Variants in DOCK9 observed in about 807,000 individuals in gnomAD.
DOCK9 encodes dedicator of cytokinesis protein 9.
DOCK9 carries 89 observed loss-of-function variants against 263.3 expected under a neutral mutation model. The ratio of observed to expected loss-of-function variants is 0.34; its 90% CI spans 0.28 to 0.40. The LOEUF is 0.40. Among genes scored for constraint, DOCK9 ranks in the 10% least tolerant of loss-of-function variants. DOCK9 has a pLI of 1.00. For synonymous variants in DOCK9, 976 were observed against 973.1 expected (o/e 1.00, Z -0.06); for missense variants, 2,140 against 2,603.4 (o/e 0.82, Z 3.87).
intron 27 of DOCK9, 75 bp downstream of exon 27, chr13:98,879,823 G>C (rs1427745407): frequency 7.1e-6 from 9 of 1,267,900 alleles, no homozygotes; most frequent in African/African-American, 1.5e-5. Flanking sequence ...AAAGCATGAA[G>C]AAACGTTCAC....
chr13:98,924,259 C>T (rs916769436), intron 4 of DOCK9, among the ~76,000 whole-genome samples: 1 of 152,112 alleles, frequency 6.6e-6, no homozygotes, highest in African/African-American at 2.4e-5. Flanking sequence ...AAGAGGCAAT[C>T]GGGGAATTGG....
At chr13:99,036,477 C>G (rs1887894028) in intron 1 of DOCK9, among the ~76,000 whole-genome samples, 1 of 152,178 alleles carries the variant, frequency 6.6e-6, no homozygotes, top group Non-Finnish European at 1.5e-5. Context: ...TGATCTCGAA[C>G]TTCTGGCCTC....
chr13:99,049,604 A>G (rs1046031280), intron 1 of DOCK9, among the ~76,000 whole-genome samples: 1 of 152,088 alleles, frequency 6.6e-6, no homozygotes. Flanking sequence ...TGCAGCCTCA[A>G]CCTCTAGGCT....
At chr13:99,015,432 C>T in intron 1 of DOCK9, 1 of 1,565,780 alleles carries the variant, frequency 6.4e-7, no homozygotes, top group Non-Finnish European at 8.6e-7. Flanking sequence ...GTTAATTAAG[C>T]AAGATAGCAT....
rs537381586 is a variant in DOCK9 at position 99,041,816 on chromosome 13, C to A, written c.129+44407G>T. Among the ~76,000 whole-genome samples the A allele has an allele frequency of 3.7e-4, 56 of 152,342 alleles. No homozygotes were observed. The South Asian group carries it at 5.0e-3, about 14-fold the overall frequency. On this transcript the variant is annotated intron_variant, in intron 1 of 32. Transcript: ENST00000427887. ...ATAAGAGACAGAAGCGGAGAAGACA[C>A]AGACGCAGAGAAGGCCACGTGAAGA...
chr13:98,950,457 A>G, intron 2 of DOCK9: 1 of 595,602 alleles, frequency 1.7e-6, no homozygotes, highest in Non-Finnish European at 2.9e-6. Context: ...TCTTTCTAGT[A>G]TCTAATATTT....
chr13:98,811,479 G>A (rs1392652741), intron 45 of DOCK9, among the ~76,000 whole-genome samples: 6 of 151,146 alleles, frequency 4.0e-5, no homozygotes, highest in South Asian at 2.1e-4. Flanking sequence ...GTCTTGCTCT[G>A]TTGCCTAGGC....
rs372140628 is a variant in DOCK9, at chr13:98,957,313, A to G, written c.127-1762T>C. On this transcript the variant is annotated intron_variant, in intron 1 of 52. Coordinates refer to ENST00000682017, the MANE Select transcript of DOCK9 (RefSeq NM_001366683.2). ...CTGAGATTCTGGAGTTGCCTGAAGT[A>G]GCAGTCAACTTGCTTTGCCTATTGC... Among the ~76,000 whole-genome samples the G allele has an allele frequency of 1.6e-3, 239 of 152,374 alleles. 8 individuals carry two copies. The South Asian group carries it at 0.047, about 30-fold the overall frequency.
intron 41 of DOCK9, among the ~76,000 whole-genome samples, 177 bp downstream of exon 41, chr13:98,831,171 A>G (rs557619061): frequency 2.0e-5 from 3 of 152,368 alleles, no homozygotes; most frequent in Admixed American, 6.5e-5. Flanking sequence ...TCTCAGGCCC[A>G]TATCTTATAG....
intron 1 of DOCK9, among the ~76,000 whole-genome samples, chr13:99,082,359 A>G (rs1422921153): frequency 6.6e-6 from 1 of 151,918 alleles, no homozygotes; most frequent in Admixed American, 6.6e-5. Context: ...CTCTACTAAA[A>G]ATACAAAAAA....
At chr13:99,060,738 T>C (rs927403291) in intron 1 of DOCK9, among the ~76,000 whole-genome samples, 8 of 152,172 alleles carry the variant, frequency 5.3e-5, no homozygotes, top group African/African-American at 1.9e-4. Context: ...ATCTGCAGTA[T>C]CCTGTCTAGG....
chr13:99,038,064 G>A (rs1370370565), intron 1 of DOCK9, among the ~76,000 whole-genome samples: 1 of 151,984 alleles, frequency 6.6e-6, no homozygotes, highest in Non-Finnish European at 1.5e-5. Context: ...ATCAAATTGT[G>A]TATTTTAAAT....
rs2089367210 is a variant in DOCK9, at chr13:98,796,142, C to G, written c.6156+973G>C. The G allele has an allele frequency of 2.2e-6, 3 of 1,337,310 alleles. No individual in the cohort carries two copies. The African/African-American group carries it at 4.4e-5, about 19-fold the overall frequency. The allele number at this position is 1,337,310 out of a possible 1,614,324, so 82.8% of individuals were successfully genotyped here. ...GCCAATGTCTGTAGTTGCTCAAACT[C>G]AAAAAAGTAATAGCTTTTTCTAAGT... On this transcript the variant is annotated intron_variant, in intron 52 of 52. Coordinates refer to ENST00000682017, the MANE Select transcript of DOCK9 (RefSeq NM_001366683.2).
In DOCK9 at chr13:98,863,035, G is replaced by T; in HGVS notation, c.3563C>A (p.Pro1188His). ...RINVRDVSPF[P>H]VNAGMTVKDE... ...CTTACGTACCATGCCCGCGTTCACA[G>T]GGAAGGGTGACACATCCCTCACATT... is the stretch of plus-strand genomic sequence containing the variant. Residue 1188 changes from proline (P) to histidine (H), a missense_variant, in exon 32 of 53, where the codon CCT becomes CAT. By Grantham distance (77) the Pro-to-His change is moderately conservative. Coordinates refer to ENST00000682017, the MANE Select transcript of DOCK9 (RefSeq NM_001366683.2). 6.2e-7 allele frequency: 1 copy of T among 1,608,932 alleles called. No homozygotes were observed. The highest frequency in any genetic ancestry group is 8.5e-7 in the Non-Finnish European group (1 of 1,177,778).
rs1334709670 is a variant in DOCK9 at position 98,883,900 on chromosome 13, C to T, written c.2383-1G>A. On this transcript the variant is annotated splice_acceptor_variant, in intron 21 of 52. Transcript: ENST00000682017. LOFTEE classifies it high-confidence loss of function. ...CCCATTTAATTTCCGGACCATAATG[C>T]TAAAAAAAATATGGAAGAAACAATA... The T allele has an allele frequency of 1.2e-6, 2 of 1,601,352 alleles. No homozygotes were observed. Among genetic ancestry groups the T allele is most frequent in the Non-Finnish European group, 1.7e-6 (2 of 1,174,454 alleles).
At chr13:99,086,327 C>T in exon 1 of DOCK9, 1 of 1,462,884 alleles carries the variant, frequency 6.8e-7, no homozygotes, top group Non-Finnish European at 9.0e-7. Context: ...TCCGCCGAGG[C>T]GGGGAGCAGC....
In DOCK9 at chr13:98,927,854, C is replaced by A. The variant is rs1162125158; in HGVS notation, c.334-1935G>T. Among the ~76,000 whole-genome samples the A allele has an allele frequency of 2.0e-5, 3 of 151,874 alleles. No individual in the cohort carries two copies. The East Asian group carries it at 5.8e-4, about 29-fold the overall frequency. On this transcript the variant is annotated intron_variant, in intron 3 of 52. Transcript: ENST00000682017. ...CAGGCTGGTCTCGAACTCCTGACCT[C>A]GTGATCCACCCGCCTCGGCCTCCCA...
chr13:98,930,350 G>A, intron 2 of DOCK9, 93 bp from the exon 3 acceptor site: 3 of 1,071,956 alleles, frequency 2.8e-6, no homozygotes, highest in African/African-American at 1.6e-5. Context: ...GCTGGCCCTG[G>A]CAGCCACAGA....
intron 30 of DOCK9, among the ~76,000 whole-genome samples, chr13:98,866,724 T>C (rs2094036106): frequency 6.6e-6 from 1 of 152,228 alleles, no homozygotes; most frequent in South Asian, 2.1e-4. Context: ...ACATTGCTTG[T>C]GATTTTGATT....
Sources: gnomAD v4.1 joint callset for allele counts (sites outside exome capture counted in the v4.1 genomes callset) on GRCh38, gnomAD v4.1.1 for gene constraint, MANE v1.5 for transcripts, NCBI Gene and HGNC (gene_info 2026-07-23, HGNC 2026-07-21) for gene names.